TMEM117: variants seen among roughly 807,000 people sequenced by gnomAD.
The protein encoded by TMEM117 is transmembrane protein 117.
Under a neutral mutation model 52.4 loss-of-function variants are expected in TMEM117, and 27 were observed. The ratio of observed to expected loss-of-function variants is 0.51; its 90% CI spans 0.38 to 0.71. The LOEUF (loss-of-function observed/expected upper bound fraction) is 0.71, where lower values mean the gene tolerates loss of function less well. TMEM117 is among the 30% of genes least tolerant of loss of function. TMEM117 has a pLI of 0.00. For synonymous variants in TMEM117, 215 were observed against 206.3 expected (o/e 1.04, Z -0.36); for missense variants, 556 against 630.5 (o/e 0.88, Z 1.26).
intron 3 of TMEM117, among the ~76,000 whole-genome samples, chr12:44,122,429 G>T (rs1484750875): frequency 1.3e-5 from 2 of 152,162 alleles, no homozygotes; most frequent in Non-Finnish European, 1.5e-5. Flanking sequence ...TAAGTTCGGG[G>T]TACAGGTGCA....
intron 5 of TMEM117, among the ~76,000 whole-genome samples, chr12:44,251,600 A>T (rs998991114): frequency 1.4e-4 from 22 of 152,312 alleles, no homozygotes; most frequent in East Asian, 7.7e-4. Context: ...AGATGGATTT[A>T]AAAAAAGTAT....
chr12:44,270,669 G>A (rs983427912), intron 5 of TMEM117, among the ~76,000 whole-genome samples: 6 of 152,102 alleles, frequency 3.9e-5, no homozygotes, highest in African/African-American at 1.4e-4. Context: ...GAAGTGGTGA[G>A]AGTGGGCATC....
chr12:44,179,974 G>A (rs532882396), intron 4 of TMEM117, among the ~76,000 whole-genome samples: 2 of 152,142 alleles, frequency 1.3e-5, no homozygotes, highest in Admixed American at 6.5e-5. Context: ...ACCCCTTAGG[G>A]CCTCAGTGTC....
intron 6 of TMEM117, among the ~76,000 whole-genome samples, chr12:44,313,911 C>T (rs763411867): frequency 2.4e-4 from 36 of 151,990 alleles, no homozygotes; most frequent in Non-Finnish European, 5.9e-5. Context: ...GCTTGAACCT[C>T]TTTGGTGTAT....
intron 5 of TMEM117, chr12:44,263,980 G>A (rs1003749150): frequency 1.3e-5 from 2 of 152,190 alleles, no homozygotes; most frequent in African/African-American, 4.8e-5. Flanking sequence ...TTTTACAACA[G>A]TTCTACTCAA....
At chr12:43,853,626 A>G (rs1314937909) in intron 2 of TMEM117, among the ~76,000 whole-genome samples, 5 of 152,234 alleles carry the variant, frequency 3.3e-5, no homozygotes, top group African/African-American at 1.2e-4. Flanking sequence ...TTGTTCATTT[A>G]TAAAAAATAA....
intron 3 of TMEM117, among the ~76,000 whole-genome samples, chr12:44,108,211 A>AT (rs1324691788): frequency 8.6e-5 from 13 of 151,308 alleles, no homozygotes; most frequent in Non-Finnish European, 1.6e-4. Context: ...TTATTTATTT[A>AT]TTTTTTATTA....
intron 3 of TMEM117, among the ~76,000 whole-genome samples, chr12:44,000,286 A>G (rs1204685020): frequency 2.6e-5 from 4 of 152,202 alleles, no homozygotes; most frequent in African/African-American, 9.6e-5. Flanking sequence ...GGTCTGGGGA[A>G]GAAGTATGTA....
intron 5 of TMEM117, among the ~76,000 whole-genome samples, chr12:44,215,528 C>T (rs757271907): frequency 1.3e-5 from 2 of 152,088 alleles, no homozygotes; most frequent in Admixed American, 6.6e-5. Context: ...GCCTTATGCT[C>T]TTCTATTTTT....
intron 3 of TMEM117, among the ~76,000 whole-genome samples, chr12:44,103,516 T>C (rs1947899488): frequency 6.6e-6 from 1 of 152,056 alleles, no homozygotes; most frequent in South Asian, 2.1e-4. Context: ...TTGATGATGT[T>C]GGTGGCAATC....
intron 4 of TMEM117, among the ~76,000 whole-genome samples, chr12:44,167,334 G>T (rs1020629569): frequency 3.3e-5 from 5 of 152,058 alleles, no homozygotes; most frequent in Admixed American, 3.3e-4. Context: ...CACTCCTTTT[G>T]CCCCAAGTTG....
chr12:43,922,295 T>C (rs1219125589), intron 2 of TMEM117, among the ~76,000 whole-genome samples: 1 of 152,208 alleles, frequency 6.6e-6, no homozygotes, highest in East Asian at 1.9e-4. Flanking sequence ...AGTAATTGAA[T>C]TGTAATTATT....
intron 3 of TMEM117, among the ~76,000 whole-genome samples, chr12:44,132,620 CTA>C (rs1948432539): frequency 6.6e-6 from 1 of 152,138 alleles, no homozygotes. Context: ...AAAGCTGAAA[CTA>C]TGACCATCCC....
intron 2 of TMEM117, among the ~76,000 whole-genome samples, chr12:43,890,163 G>C (rs898827952): frequency 6.6e-6 from 1 of 152,190 alleles, no homozygotes; most frequent in African/African-American, 2.4e-5. Context: ...ATAAAAAGGA[G>C]AGAAGTGACA....
chr12:43,877,448 A>G (rs1943817540), intron 2 of TMEM117, among the ~76,000 whole-genome samples: 1 of 152,054 alleles, frequency 6.6e-6, no homozygotes, highest in Non-Finnish European at 1.5e-5. Context: ...AGCCTGGCCA[A>G]CATTGTGAAA....
intron 4 of TMEM117, among the ~76,000 whole-genome samples, chr12:44,205,661 A>G (rs1949555372): frequency 6.6e-6 from 1 of 152,220 alleles, no homozygotes; most frequent in Non-Finnish European, 1.5e-5. Context: ...ATATGAAGAA[A>G]AAAGCTCAAC....
intron 6 of TMEM117, among the ~76,000 whole-genome samples, chr12:44,355,486 A>G (rs778202105): frequency 4.6e-5 from 7 of 151,974 alleles, no homozygotes; most frequent in Admixed American, 2.0e-4. Flanking sequence ...GTCTTAGAGG[A>G]TGGGCCTGCC....
chr12:44,356,908 T>C (rs1175883199), intron 6 of TMEM117, among the ~76,000 whole-genome samples: 1 of 152,148 alleles, frequency 6.6e-6, no homozygotes, highest in Non-Finnish European at 1.5e-5. Context: ...AGGACAAATC[T>C]GATCATTTAA....
intron 4 of TMEM117, among the ~76,000 whole-genome samples, chr12:44,168,149 G>A (rs1203563580): frequency 1.3e-5 from 2 of 152,022 alleles, no homozygotes; most frequent in Non-Finnish European, 2.9e-5. Flanking sequence ...AGCTACTCGG[G>A]AGGCTGAGGC....
Sources: allele counts gnomAD v4.1 joint callset (sites outside exome capture counted in the v4.1 genomes callset), GRCh38; gene constraint gnomAD v4.1.1; transcripts MANE v1.5; gene names NCBI Gene and HGNC (gene_info 2026-07-23, HGNC 2026-07-21).